The following DYNC1I1 variants were observed in gnomAD, a reference collection of about 807,000 sequenced individuals.
DYNC1I1 encodes dynein cytoplasmic 1 intermediate chain 1, also known as cytoplasmic dynein 1 intermediate chain 1.
DYNC1I1 carries 43 observed loss-of-function variants against 86.6 expected under a neutral mutation model. The ratio of observed to expected loss-of-function variants is 0.50; its 90% CI spans 0.39 to 0.64. The LOEUF is 0.64. Ranked by LOEUF, DYNC1I1 falls within the 30% of genes least tolerant of loss-of-function variation. The pLI is 0.00. For missense variants in DYNC1I1, 604 were observed against 788.8 expected (o/e 0.77, Z 2.81); for synonymous variants, 262 against 283.7 (o/e 0.92, Z 0.77).
chr7:95,934,937 T>G (rs1282227470), intron 6 of DYNC1I1, among the ~76,000 whole-genome samples: 1 of 151,422 alleles, frequency 6.6e-6, no homozygotes, highest in East Asian at 1.9e-4. Context: ...TTTGTTTTTG[T>G]TTTTGTTTTT....
rs76730820 is a variant in DYNC1I1 at position 95,969,232 on chromosome 7, A to C, written c.491-8280A>C. Among the ~76,000 whole-genome samples, 1,095 of 152,322 alleles carry C rather than the reference A, an allele frequency of 7.2e-3. 34 individuals are homozygous for C. Among genetic ancestry groups the C allele is most frequent in the Admixed American group, 0.035 (540 of 15,300 alleles). On this transcript the variant is annotated intron_variant, in intron 6 of 16. Transcript: ENST00000447467. ...CATGACTTTCTGAGAAATCTTGGAT[A>C]ACAAGGGCCTGAAAGATCTAAGACT...
At position 96,011,288 on chromosome 7, in the gene DYNC1I1, T is replaced by G. The variant is rs148401773; in HGVS notation, c.969+15215T>G. Among the ~76,000 whole-genome samples, 4 of 152,292 alleles carry G rather than the reference T, an allele frequency of 2.6e-5. No individual in the cohort carries two copies. The East Asian group carries it at 7.7e-4, about 29-fold the overall frequency. On this transcript the variant is annotated intron_variant, in intron 10 of 16. Transcript: ENST00000447467. ...ATTAACTATACTTAATATGTACCAA[T>G]CTGCCCAGTTTCTTTTCATTTTAGG... is the stretch of plus-strand genomic sequence containing the variant.
chr7:95,793,285 T>C (rs564470920), intron 1 of DYNC1I1, among the ~76,000 whole-genome samples: 9 of 151,846 alleles, frequency 5.9e-5, no homozygotes, highest in Admixed American at 2.0e-4. Flanking sequence ...TTGTGGGGTG[T>C]GGTGAGTTCG....
intron 6 of DYNC1I1, among the ~76,000 whole-genome samples, chr7:95,948,066 C>T (rs1033250566): frequency 8.2e-5 from 12 of 147,194 alleles, no homozygotes; most frequent in African/African-American, 3.1e-4. Flanking sequence ...CAATGCAAAG[C>T]CCCATGACCA....
intron 14 of DYNC1I1, among the ~76,000 whole-genome samples, chr7:96,057,461 G>A (rs1452216008): frequency 6.6e-6 from 1 of 152,042 alleles, no homozygotes; most frequent in South Asian, 2.1e-4. Context: ...TAAATAAAAT[G>A]GTTTAATATT....
At chr7:96,074,323 G>A (rs189869406) in intron 14 of DYNC1I1, among the ~76,000 whole-genome samples, 13 of 152,222 alleles carry the variant, frequency 8.5e-5, no homozygotes. Flanking sequence ...GCCAAGACGG[G>A]CGGATCACGA....
chr7:95,837,257 G>T (rs1413304415), intron 5 of DYNC1I1, among the ~76,000 whole-genome samples: 1 of 151,778 alleles, frequency 6.6e-6, no homozygotes, highest in Non-Finnish European at 1.5e-5. Flanking sequence ...CCTGCTGGGG[G>T]GTGCCTCCCA....
intron 6 of DYNC1I1, among the ~76,000 whole-genome samples, chr7:95,887,738 A>C (rs1454895663): frequency 3.3e-5 from 5 of 152,088 alleles, no homozygotes; most frequent in Non-Finnish European, 5.9e-5. Context: ...GCTTGAATTG[A>C]GTTCAAGACT....
intron 16 of DYNC1I1, among the ~76,000 whole-genome samples, chr7:96,093,642 A>G (rs1790913702): frequency 1.3e-5 from 2 of 152,196 alleles, no homozygotes; most frequent in South Asian, 4.1e-4. Context: ...TCAGTCGATG[A>G]AGCAGTTGGA....
At chr7:96,084,703 T>C (rs1790628269) in intron 16 of DYNC1I1, among the ~76,000 whole-genome samples, 1 of 152,010 alleles carries the variant, frequency 6.6e-6, no homozygotes, top group African/African-American at 2.4e-5. Flanking sequence ...GATTACAGAT[T>C]TGAGCCACTG....
At chr7:96,011,287 A>G (rs1335168921) in intron 10 of DYNC1I1, among the ~76,000 whole-genome samples, 1 of 152,168 alleles carries the variant, frequency 6.6e-6, no homozygotes, top group Non-Finnish European at 1.5e-5. Context: ...ATATGTACCA[A>G]TCTGCCCAGT....
chr7:95,986,964 T>A (rs1376928027), intron 8 of DYNC1I1, 92 bp from the exon 9 acceptor site: 1 of 1,110,506 alleles, frequency 9.0e-7, no homozygotes, highest in East Asian at 2.4e-5. Context: ...TCAGAGAGTA[T>A]TGTGTGCCAG....
At chr7:95,812,137 C>T (rs915854563) in intron 3 of DYNC1I1, among the ~76,000 whole-genome samples, 1 of 152,176 alleles carries the variant, frequency 6.6e-6, no homozygotes, top group Non-Finnish European at 1.5e-5. Context: ...AAATTCCTAG[C>T]TTCTCGACAG....
chr7:95,803,107 G>T (rs1794620680), intron 1 of DYNC1I1, among the ~76,000 whole-genome samples: 1 of 152,174 alleles, frequency 6.6e-6, no homozygotes, highest in Non-Finnish European at 1.5e-5. Context: ...GCCATCTATT[G>T]GGTAGGCAGT....
At chr7:95,850,832 C>T (rs1350471717) in intron 5 of DYNC1I1, among the ~76,000 whole-genome samples, 1 of 152,154 alleles carries the variant, frequency 6.6e-6, no homozygotes, top group African/African-American at 2.4e-5. Flanking sequence ...ATAAATGAAA[C>T]GTTTTACAGT....
At chr7:95,906,869 G>C (rs1225327396) in intron 6 of DYNC1I1, among the ~76,000 whole-genome samples, 4 of 152,104 alleles carry the variant, frequency 2.6e-5, no homozygotes, top group Non-Finnish European at 5.9e-5. Context: ...TTCATTGCTT[G>C]CAAGTGGCTG....
intron 6 of DYNC1I1, among the ~76,000 whole-genome samples, chr7:95,938,045 G>GCCTGAGGCTTTCCTTAAGCGTGCAA (rs1792096387): frequency 2.0e-5 from 3 of 152,126 alleles, no homozygotes; most frequent in Non-Finnish European, 4.4e-5. Context: ...TCCTTTTGGT[G>GCCTGAGGCTTTCCTTAAGCGTGCAA]CCTGAGGCTT....
At chr7:95,859,009 A>G (rs1243840521) in intron 5 of DYNC1I1, among the ~76,000 whole-genome samples, 3 of 146,856 alleles carry the variant, frequency 2.0e-5, no homozygotes, top group Admixed American at 6.9e-5. Flanking sequence ...TATTATATTA[A>G]TATATTTATT....
intron 10 of DYNC1I1, 133 bp downstream of exon 10, chr7:95,996,206 T>A (rs1318941991): frequency 1.5e-6 from 2 of 1,336,232 alleles, no homozygotes; most frequent in Non-Finnish European, 2.0e-6. Context: ...TTTGGAAAAT[T>A]CCCCCACAGT....
Sources: gnomAD v4.1 joint callset for allele counts (sites outside exome capture counted in the v4.1 genomes callset) on GRCh38, gnomAD v4.1.1 for gene constraint, MANE v1.5 for transcripts, NCBI Gene and HGNC (gene_info 2026-07-23, HGNC 2026-07-21) for gene names.